Variants in SUDS3 observed in about 807,000 individuals in gnomAD.
SUDS3 encodes sin3 histone deacetylase corepressor complex component SDS3.
In SUDS3, 23 loss-of-function variants were observed where a neutral mutation model predicts 53.5. The ratio of observed to expected loss-of-function variants is 0.43; its 90% confidence interval spans 0.31 to 0.61. SUDS3 has a LOEUF of 0.61. SUDS3 is among the 20% of genes least tolerant of loss of function. The pLI is 0.10. For synonymous variants in SUDS3, 150 were observed against 148.5 expected (o/e 1.01, Z -0.08); for missense variants, 291 against 405.9 (o/e 0.72, Z 2.43).
At chr12:118,382,835 T>TA (rs1185593078) in intron 2 of SUDS3, among the ~76,000 whole-genome samples, 1 of 11,906 alleles carries the variant, frequency 8.4e-5, no homozygotes, top group Non-Finnish European at 1.4e-4. Context: ...GTCTGGCTAA[T>TA]TTTTTTTTTT....
At chr12:118,382,914 C>T (rs151146947) in intron 2 of SUDS3, among the ~76,000 whole-genome samples, 5 of 151,992 alleles carry the variant, frequency 3.3e-5, no homozygotes, top group South Asian at 2.1e-4. Flanking sequence ...GTGATCCACC[C>T]GCCTCGGCCT....
chr12:118,376,614 C>T lies in SUDS3; in HGVS notation c.-78C>T. The T allele has an allele frequency of 2.2e-6, 3 of 1,368,856 alleles. No individual in the cohort carries two copies. The highest frequency in any genetic ancestry group is 3.4e-5 in the South Asian group (2 of 58,572). The allele number at this position is 1,368,856 out of a possible 1,614,324, so 84.8% of individuals were successfully genotyped here. ...CTCGAGTTGGGGGCTGCCGCGGACACTGCTAGGCAGACGGCGAGTACCGAG... is the reference window on the plus strand; with the variant it reads ...CTCGAGTTGGGGGCTGCCGCGGACATTGCTAGGCAGACGGCGAGTACCGAG... On this transcript the variant is annotated 5_prime_UTR_variant, in exon 1 of 12. Transcript: ENST00000543473.
intron 1 of SUDS3, among the ~76,000 whole-genome samples, chr12:118,377,283 G>A (rs898975248): frequency 2.0e-5 from 3 of 152,030 alleles, no homozygotes; most frequent in Admixed American, 6.6e-5. Flanking sequence ...ACTCAGGTTG[G>A]TTAAAGGAAA....
intron 1 of SUDS3, among the ~76,000 whole-genome samples, chr12:118,377,448 G>A (rs533639374): frequency 3.5e-4 from 54 of 152,136 alleles, no homozygotes; most frequent in Non-Finnish European, 6.0e-4. Context: ...GGTCGGTATA[G>A]GGATTAAATG....
At chr12:118,399,493 C>T (rs945504674) in intron 6 of SUDS3, among the ~76,000 whole-genome samples, 1 of 152,042 alleles carries the variant, frequency 6.6e-6, no homozygotes, top group African/African-American at 2.4e-5. Context: ...GAGAGTGAGG[C>T]CCTGTCTTGA....
chr12:118,387,732 G>T (rs921366664), intron 4 of SUDS3, among the ~76,000 whole-genome samples: 1 of 152,066 alleles, frequency 6.6e-6, no homozygotes, highest in Non-Finnish European at 1.5e-5. Context: ...TGTATTTTTA[G>T]TAGAGATAGG....
Position 118,376,654 on chromosome 12 carries a change from G to T in SUDS3, c.-38G>T. The T allele has an allele frequency of 7.0e-7, 1 of 1,423,328 alleles. No individual in the cohort carries two copies. Among genetic ancestry groups the T allele is most frequent in the East Asian group, 2.9e-5 (1 of 35,012 alleles). 88.2% of individuals were successfully genotyped at this position (1,423,328 alleles called of 1,614,324 possible). A position where few individuals can be genotyped will look rare whatever the true frequency, so the allele number is the denominator to read the frequency against. On this transcript the variant is annotated 5_prime_UTR_variant, in exon 1 of 12. Coordinates refer to ENST00000543473, the MANE Select transcript of SUDS3 (RefSeq NM_022491.3). Reference sequence around the variant, plus strand: ...CGAGTACCGAGCGCGGGTGGCCGCGGTGTCCGTGGGCCACGCTCAGCTGCG... The same window carrying T: ...CGAGTACCGAGCGCGGGTGGCCGCGTTGTCCGTGGGCCACGCTCAGCTGCG...
intron 5 of SUDS3, among the ~76,000 whole-genome samples, chr12:118,390,764 CAAA>C (rs2046159497): frequency 6.6e-6 from 1 of 152,126 alleles, no homozygotes; most frequent in African/African-American, 2.4e-5. Context: ...CTTGCTGTAT[CAAA>C]AATAATAGTA....
intron 2 of SUDS3, among the ~76,000 whole-genome samples, chr12:118,382,522 C>G (rs759081588): frequency 1.3e-5 from 2 of 151,874 alleles, no homozygotes; most frequent in African/African-American, 4.8e-5. Flanking sequence ...CGTGCCACCA[C>G]GCCCAGCTGA....
At chr12:118,405,770 C>T (rs558921917) in intron 10 of SUDS3, among the ~76,000 whole-genome samples, 1 of 152,306 alleles carries the variant, frequency 6.6e-6, no homozygotes, top group Admixed American at 6.5e-5. Context: ...GGTGCAGTGC[C>T]AGCCTCTCCC....
At chr12:118,402,747 G>A (rs1372733589) in intron 9 of SUDS3, 7 of 151,224 alleles carry the variant, frequency 4.6e-5, no homozygotes, top group Non-Finnish European at 8.8e-5. Context: ...AAAGTTAGTA[G>A]TTCTTTAAGT....
intron 6 of SUDS3, among the ~76,000 whole-genome samples, chr12:118,399,631 G>A (rs1420345425): frequency 6.6e-6 from 1 of 152,150 alleles, no homozygotes; most frequent in Non-Finnish European, 1.5e-5. Context: ...CGTGGAGGTA[G>A]CCAGTGAAAG....
intron 6 of SUDS3, among the ~76,000 whole-genome samples, chr12:118,397,579 T>C (rs1235560492): frequency 6.6e-6 from 1 of 152,222 alleles, no homozygotes; most frequent in Non-Finnish European, 1.5e-5. Context: ...TGGCCAGGAC[T>C]GCTCCCTTCT....
At chr12:118,411,626 T>C (rs2046360629) in intron 11 of SUDS3, among the ~76,000 whole-genome samples, 1 of 151,948 alleles carries the variant, frequency 6.6e-6, no homozygotes, top group Non-Finnish European at 1.5e-5. Flanking sequence ...GCCTCCTGAG[T>C]AGCTGGGATT....
chr12:118,414,513 A>G lies in SUDS3; in HGVS notation c.*80A>G. 1 of 1,182,714 alleles carries G rather than the reference A, an allele frequency of 8.5e-7. No homozygotes were observed. The highest frequency in any genetic ancestry group is 1.2e-6 in the Non-Finnish European group (1 of 858,936). 73.3% of individuals were successfully genotyped at this position (1,182,714 alleles called of 1,614,324 possible). A position where few individuals can be genotyped will look rare whatever the true frequency, so the allele number is the denominator to read the frequency against. On this transcript the variant is annotated 3_prime_UTR_variant, in exon 12 of 12. Coordinates refer to ENST00000543473, the MANE Select transcript of SUDS3 (RefSeq NM_022491.3). The stretch of plus-strand genomic sequence containing the variant: ...TTTGTTTCGTTTTCTCCTTAATAGA[A>G]AAATGTTAACTTACTGGGAATAGCT...
intron 6 of SUDS3, among the ~76,000 whole-genome samples, chr12:118,396,203 TTC>T (rs2141376054): frequency 6.6e-6 from 1 of 152,356 alleles, no homozygotes; most frequent in African/African-American, 2.4e-5. Flanking sequence ...TGGATTTTCT[TTC>T]TGCCAGTTAT....
Position 118,415,859 on chromosome 12 carries a change from A to G in SUDS3, c.*1426A>G, listed in dbSNP as rs1301132118. The G allele has an allele frequency of 2.0e-5, 3 of 152,106 alleles. No homozygotes were observed. In the East Asian group the frequency reaches 5.8e-4, roughly 29 times the overall value. 9.4% of individuals were successfully genotyped at this position (152,106 alleles called of 1,614,324 possible). Reference sequence around the variant, plus strand: ...CAGAGACCAAACCTTACTGACTTGTACAGACTTGTACAAGTAAAGACTTAT... The same window carrying G: ...CAGAGACCAAACCTTACTGACTTGTGCAGACTTGTACAAGTAAAGACTTAT... On this transcript the variant is annotated 3_prime_UTR_variant, in exon 12 of 12. Coordinates refer to ENST00000543473, the MANE Select transcript of SUDS3 (RefSeq NM_022491.3).
At chr12:118,383,490 C>A (rs960022635) in intron 2 of SUDS3, among the ~76,000 whole-genome samples, 3 of 152,316 alleles carry the variant, frequency 2.0e-5, no homozygotes, top group African/African-American at 7.2e-5. Context: ...ACTTTTCTTT[C>A]TGAATTACTA....
At chr12:118,377,471 A>G (rs2046010575) in intron 1 of SUDS3, among the ~76,000 whole-genome samples, 1 of 152,116 alleles carries the variant, frequency 6.6e-6, no homozygotes, top group Non-Finnish European at 1.5e-5. Flanking sequence ...ATGCGCATAA[A>G]GTACTTGGCC....
Sources: gnomAD v4.1 joint callset for allele counts (sites outside exome capture counted in the v4.1 genomes callset) on GRCh38, gnomAD v4.1.1 for gene constraint, MANE v1.5 for transcripts, NCBI Gene and HGNC (gene_info 2026-07-23, HGNC 2026-07-21) for gene names.